FBN1: variants seen among roughly 807,000 people sequenced by gnomAD.
The protein encoded by FBN1 is fibrillin 1, also known as fibrillin-1.
Under a neutral mutation model 365.1 loss-of-function variants are expected in FBN1, and 29 were observed. That is an observed-to-expected ratio of 0.08 (90% CI 0.06 to 0.11). FBN1 has a LOEUF of 0.11. Among genes scored for constraint, FBN1 ranks in the 10% least tolerant of loss-of-function variants. The pLI is 1.00. For missense variants in FBN1, 2,476 were observed against 3,703.2 expected (o/e 0.67, Z 8.60); for synonymous variants, 1,210 against 1,270.5 (o/e 0.95, Z 1.01).
At chr15:48,496,315 A>G in intron 19 of FBN1, 90 bp from the exon 20 acceptor site, 1 of 1,542,150 alleles carries the variant, frequency 6.5e-7, no homozygotes, top group South Asian at 1.1e-5. Flanking sequence ...TTAAAGTCAT[A>G]ACGACGTGAT....
chr15:48,592,412 A>G (rs2044484661), intron 6 of FBN1, among the ~76,000 whole-genome samples: 1 of 152,202 alleles, frequency 6.6e-6, no homozygotes, highest in South Asian at 2.1e-4. Context: ...CAAGATGGCA[A>G]GAGAAAGGGA....
chr15:48,537,874 G>A, intron 6 of FBN1, 66 bp from the exon 7 acceptor site: 1 of 1,493,100 alleles, frequency 6.7e-7, no homozygotes, highest in Non-Finnish European at 9.3e-7. Flanking sequence ...CAGAGGAACA[G>A]CTGTGCTCCA....
chr15:48,479,970 T>C (rs1343999958), intron 32 of FBN1, among the ~76,000 whole-genome samples: 2 of 152,152 alleles, frequency 1.3e-5, no homozygotes, highest in African/African-American at 2.4e-5. Flanking sequence ...CTATGTTTCA[T>C]TTGACAATAG....
intron 6 of FBN1, among the ~76,000 whole-genome samples, chr15:48,558,137 T>A (rs192921367): frequency 1.3e-5 from 2 of 152,238 alleles, no homozygotes; most frequent in African/African-American, 4.8e-5. Flanking sequence ...CCTTGTTCCA[T>A]ATAAACTGTT....
At chr15:48,450,335 C>T (rs1340959520) in intron 45 of FBN1, among the ~76,000 whole-genome samples, 2 of 152,056 alleles carry the variant, frequency 1.3e-5, no homozygotes, top group Non-Finnish European at 2.9e-5. Context: ...AAAGGGATCC[C>T]CAATTAGGAA....
chr15:48,531,197 CTTG>C (rs1206277551), intron 8 of FBN1, among the ~76,000 whole-genome samples: 1 of 152,158 alleles, frequency 6.6e-6, no homozygotes, highest in African/African-American at 2.4e-5. Context: ...ATCCCTTCAA[CTTG>C]TTAATTTACA....
At chr15:48,608,720 C>T (rs1332050682) in intron 4 of FBN1, among the ~76,000 whole-genome samples, 1 of 152,162 alleles carries the variant, frequency 6.6e-6, no homozygotes, top group Non-Finnish European at 1.5e-5. Context: ...CAGACTTCCT[C>T]AGAAAGCACC....
At chr15:48,500,763 A>G (rs1218267996) in intron 17 of FBN1, among the ~76,000 whole-genome samples, 4 of 152,120 alleles carry the variant, frequency 2.6e-5, no homozygotes, top group Non-Finnish European at 5.9e-5. Context: ...GTGAAATGTC[A>G]TTGTCAGAAG....
chr15:48,513,256 ACT>A (rs751572998), intron 13 of FBN1, among the ~76,000 whole-genome samples: 4 of 152,152 alleles, frequency 2.6e-5, no homozygotes, highest in Non-Finnish European at 4.4e-5. Context: ...GGACAATTCC[ACT>A]CTCTACTTCT....
intron 2 of FBN1, among the ~76,000 whole-genome samples, chr15:48,634,170 A>G (rs188745508): frequency 1.3e-5 from 2 of 152,356 alleles, no homozygotes; most frequent in East Asian, 3.9e-4. Flanking sequence ...TTAGCACTGA[A>G]TGAACAGGGG....
intron 2 of FBN1, among the ~76,000 whole-genome samples, chr15:48,614,003 T>C (rs2044676906): frequency 6.6e-6 from 1 of 152,218 alleles, no homozygotes; most frequent in Admixed American, 6.5e-5. Flanking sequence ...TCTGGGTTTC[T>C]TGTTTACAGA....
chr15:48,573,932 A>T (rs2044325678), intron 6 of FBN1, among the ~76,000 whole-genome samples: 1 of 152,238 alleles, frequency 6.6e-6, no homozygotes, highest in Non-Finnish European at 1.5e-5. Flanking sequence ...GGGGTCCCAG[A>T]TTAAACCCAG....
At chr15:48,468,657 CA>C in intron 36 of FBN1, 123 bp from the exon 37 acceptor site, 2 of 943,228 alleles carry the variant, frequency 2.1e-6, no homozygotes, top group Non-Finnish European at 3.3e-6. Context: ...GTTATAACTA[CA>C]TCTAGAAATG....
chr15:48,605,248 A>C (rs2044598175), intron 4 of FBN1, among the ~76,000 whole-genome samples: 2 of 152,236 alleles, frequency 1.3e-5, no homozygotes, highest in South Asian at 4.1e-4. Flanking sequence ...GTGGCAGAGC[A>C]AGACCCTGTC....
chr15:48,553,220 C>T (rs1487974852), intron 6 of FBN1, among the ~76,000 whole-genome samples: 3 of 152,100 alleles, frequency 2.0e-5, no homozygotes, highest in Non-Finnish European at 4.4e-5. Context: ...CTATATACTA[C>T]CGTCAATTGA....
chr15:48,585,405 AT>A (rs1012775082), intron 6 of FBN1, among the ~76,000 whole-genome samples: 6 of 152,126 alleles, frequency 3.9e-5, no homozygotes, highest in African/African-American at 1.2e-4. Flanking sequence ...GTTGGAGAAC[AT>A]TTTTTTTCAT....
intron 2 of FBN1, among the ~76,000 whole-genome samples, chr15:48,632,057 A>T (rs1037558104): frequency 1.3e-5 from 2 of 152,220 alleles, no homozygotes; most frequent in African/African-American, 4.8e-5. Context: ...ATAAGGAATA[A>T]TATTTAGTAA....
At chr15:48,629,565 T>C (rs528030951) in intron 2 of FBN1, among the ~76,000 whole-genome samples, 3 of 152,310 alleles carry the variant, frequency 2.0e-5, no homozygotes, top group African/African-American at 7.2e-5. Context: ...TGTGTTTATG[T>C]TTCTTAAAGG....
In FBN1 at chr15:48,640,844, A is replaced by C. The variant is rs533319962; in HGVS notation, c.164+3762T>G. ...TCCTTACTTGGGAGCTAAAGCAATA[A>C]GGCAATCATAAATAAATGGTGCATA... On this transcript the variant is annotated intron_variant, in intron 2 of 65. Transcript: ENST00000316623. 9.9e-5 allele frequency: 15 copies of C among 152,252 alleles called. No homozygotes were observed. The South Asian group carries it at 3.1e-3, about 32-fold the overall frequency. The allele number at this position is 152,252 out of a possible 1,614,324, so 9.4% of individuals were successfully genotyped here. A position where few individuals can be genotyped will look rare whatever the true frequency, so the allele number is the denominator to read the frequency against.
Sources: allele counts gnomAD v4.1 joint callset (sites outside exome capture counted in the v4.1 genomes callset), GRCh38; gene constraint gnomAD v4.1.1; transcripts MANE v1.5; gene names NCBI Gene and HGNC (gene_info 2026-07-23, HGNC 2026-07-21).